The following EMSY variants were observed in gnomAD, a reference collection of about 807,000 sequenced individuals.
EMSY encodes EMSY transcriptional repressor, BRCA2 interacting.
In EMSY, 26 loss-of-function variants were observed where a neutral mutation model predicts 134.6. The observed-to-expected ratio is 0.19, with a 90% confidence interval of 0.14 to 0.27. EMSY has a LOEUF of 0.27. Among genes scored for constraint, EMSY ranks in the 10% least tolerant of loss-of-function variants. The probability of loss-of-function intolerance (pLI) is 1.00; values close to 1 mark genes in which losing one functional copy is unlikely to be tolerated. For missense variants in EMSY, 1,305 were observed against 1,611.4 expected, an observed-to-expected ratio of 0.81 and a Z score of 3.26; for synonymous variants, 579 against 577.8, an observed-to-expected ratio of 1.00 and a Z score of -0.03.
At chr11:76,513,421 A>G in exon 10 of EMSY, 1 of 1,613,674 alleles carries the variant, frequency 6.2e-7, no homozygotes, top group Non-Finnish European at 8.5e-7. Context: ...TCAACCAAGT[A>G]AAATCTTACC....
Position 76,542,457 on chromosome 11 carries a change from A to G in EMSY, c.2709+90A>G, listed in dbSNP as rs549271660. ...CATCTTGTATTTTAAGAGGAGAAAT[A>G]ATTGGAACGTAGAGTGTTTGTGTAA... On this transcript the variant is annotated intron_variant, in intron 18 of 20. Transcript: ENST00000334736. 1,598 of 1,475,078 alleles carry G rather than the reference A, an allele frequency of 1.1e-3. 1 individual carries two copies. The highest frequency in any genetic ancestry group is 1.4e-3 in the Non-Finnish European group (1,475 of 1,060,056). The allele number at this position is 1,475,078 out of a possible 1,614,324, so 91.4% of individuals were successfully genotyped here.
At chr11:76,455,216 T>C (rs1947820364) in intron 4 of EMSY, among the ~76,000 whole-genome samples, 1 of 152,220 alleles carries the variant, frequency 6.6e-6, no homozygotes, top group Non-Finnish European at 1.5e-5. Flanking sequence ...CTCTCCTTTC[T>C]GATTTCTTTA....
intron 8 of EMSY, among the ~76,000 whole-genome samples, chr11:76,473,505 C>T (rs552605159): frequency 3.9e-5 from 6 of 151,900 alleles, no homozygotes; most frequent in African/African-American, 9.6e-5. Context: ...GATGGGGTCT[C>T]ACCATGTTGC....
In EMSY at chr11:76,489,462, T is replaced by C. The variant is rs184396656; in HGVS notation, c.1109-6753T>C. On this transcript the variant is annotated intron_variant, in intron 8 of 20. Coordinates refer to ENST00000334736, the Ensembl canonical transcript of EMSY. ...CACACTTAGGATTATTGTGTCTTCT[T>C]GATGGATTAACCCCCTTTTCATTAT... Among the ~76,000 whole-genome samples, 620 of 152,258 alleles carry C rather than the reference T, an allele frequency of 4.1e-3. 3 individuals are homozygous for C. The highest frequency in any genetic ancestry group is 7.1e-3 in the Non-Finnish European group (481 of 68,024).
In EMSY at chr11:76,537,620, G is replaced by A. The variant is rs149401331; in HGVS notation, c.2360-175G>A. On this transcript the variant is annotated intron_variant, in intron 15 of 20. Transcript: ENST00000334736. ...TAGGCTGCTGAGTATGGTTATGCAA[G>A]TTGTGCACTAAACAGCCATACATAG... Among the ~76,000 whole-genome samples, 726 of 152,338 alleles carry A rather than the reference G, an allele frequency of 4.8e-3. 2 individuals carry two copies. Among genetic ancestry groups the A allele is most frequent in the Non-Finnish European group, 7.9e-3 (534 of 68,022 alleles).
chr11:76,516,915 G>A (rs1950469297), intron 11 of EMSY: 2 of 152,214 alleles, frequency 1.3e-5, no homozygotes, highest in South Asian at 4.1e-4. Flanking sequence ...CCAACCATCT[G>A]CCTATTTATT....
intron 9 of EMSY, among the ~76,000 whole-genome samples, chr11:76,505,615 T>C (rs527354122): frequency 6.6e-6 from 1 of 152,106 alleles, no homozygotes; most frequent in South Asian, 2.1e-4. Flanking sequence ...CCCAGCACCT[T>C]GGGAGGCTGA....
At chr11:76,493,790 C>G (rs1436765129) in intron 8 of EMSY, among the ~76,000 whole-genome samples, 1 of 152,228 alleles carries the variant, frequency 6.6e-6, no homozygotes, top group African/African-American at 2.4e-5. Context: ...GTACTTCATT[C>G]TTCCTGGATG....
chr11:76,465,304 T>G (rs1325697765), intron 7 of EMSY, among the ~76,000 whole-genome samples: 5 of 152,206 alleles, frequency 3.3e-5, no homozygotes, highest in Admixed American at 6.5e-5. Flanking sequence ...TTGGACTTCT[T>G]GGATTCAGAT....
intron 14 of EMSY, among the ~76,000 whole-genome samples, chr11:76,533,682 T>G (rs1431513544): frequency 6.6e-6 from 1 of 152,192 alleles, no homozygotes; most frequent in Non-Finnish European, 1.5e-5. Context: ...TTGAGTATAC[T>G]GTTAAAGTGT....
exon 19 of EMSY, chr11:76,544,382 C>G: frequency 6.2e-7 from 1 of 1,614,164 alleles, no homozygotes; most frequent in Non-Finnish European, 8.5e-7. Flanking sequence ...TGCCCTGACT[C>G]AGTCACAGTC....
At chr11:76,465,003 T>C (rs998559658) in intron 7 of EMSY, among the ~76,000 whole-genome samples, 2 of 152,226 alleles carry the variant, frequency 1.3e-5, no homozygotes, top group East Asian at 1.9e-4. Context: ...TTACAAACTT[T>C]CAGTAACTTT....
chr11:76,540,291 A>T (rs1040025340), intron 17 of EMSY, among the ~76,000 whole-genome samples: 1 of 152,140 alleles, frequency 6.6e-6, no homozygotes, highest in African/African-American at 2.4e-5. Flanking sequence ...TTTAAAAAAT[A>T]TTAATTTGCT....
intron 9 of EMSY, among the ~76,000 whole-genome samples, chr11:76,503,193 C>T (rs956780035): frequency 1.4e-5 from 2 of 146,896 alleles, no homozygotes; most frequent in Non-Finnish European, 3.0e-5. Context: ...CCCAGCTACT[C>T]GGGAGGCTGA....
intron 20 of EMSY, among the ~76,000 whole-genome samples, 170 bp from the exon 22 acceptor site, chr11:76,549,782 T>G (rs939149817): frequency 3.9e-5 from 6 of 152,174 alleles, no homozygotes; most frequent in African/African-American, 1.4e-4. Context: ...ATGATGGGAT[T>G]TAGTAGAATG....
chr11:76,496,196 C>T lies in EMSY; in HGVS notation c.1109-19C>T, dbSNP rs750356838. On this transcript the variant is annotated intron_variant, in intron 8 of 20. Transcript: ENST00000334736. ...TGCTTTCCTATCAAATTCTCTTTTC[C>T]CTTACTCCTTTTCTACAGGTGTATC... 38 of 1,594,530 alleles carry T rather than the reference C, an allele frequency of 2.4e-5. No homozygotes were observed. The highest frequency in any genetic ancestry group is 3.3e-4 in the Middle Eastern group (2 of 5,972).
chr11:76,516,536 G>A, intron 11 of EMSY: 1 of 308,472 alleles, frequency 3.2e-6, no homozygotes, highest in Non-Finnish European at 5.9e-6. Flanking sequence ...ACCTTTAGTT[G>A]CTTTTAGTCA....
chr11:76,528,647 A>G (rs1950930031), intron 14 of EMSY, among the ~76,000 whole-genome samples, 181 bp downstream of exon 15: 1 of 147,320 alleles, frequency 6.8e-6, no homozygotes. Flanking sequence ...TATTTTTGGT[A>G]AAGGTTACCA....
chr11:76,509,665 AGGT>A (rs1950204686), intron 9 of EMSY, among the ~76,000 whole-genome samples: 1 of 152,104 alleles, frequency 6.6e-6, no homozygotes, highest in Non-Finnish European at 1.5e-5. Context: ...ACATTGTTAA[AGGT>A]GGGGGGGAAA....
Sources: gnomAD v4.1 joint callset for allele counts (sites outside exome capture counted in the v4.1 genomes callset) on GRCh38, gnomAD v4.1.1 for gene constraint, MANE v1.5 for transcripts, NCBI Gene and HGNC (gene_info 2026-07-23, HGNC 2026-07-21) for gene names.